Variants in SYNE2 observed in about 807,000 individuals in gnomAD.
SYNE2 encodes nesprin-2.
A neutral mutation model predicts 856.3 loss-of-function variants in SYNE2; 431 were observed. The observed-to-expected ratio is 0.50, with a 90% CI of 0.47 to 0.55. SYNE2 has a LOEUF of 0.55. Ranked by LOEUF, SYNE2 falls within the 20% of genes least tolerant of loss-of-function variation. SYNE2 has a pLI of 0.00. For synonymous variants in SYNE2, 2,923 were observed against 2,872.3 expected (o/e 1.02, Z -0.56); for missense variants, 8,129 against 8,023.2 (o/e 1.01, Z -0.50).
intron 99 of SYNE2, among the ~76,000 whole-genome samples, chr14:64,199,391 C>T (rs1304962109): frequency 6.6e-6 from 1 of 152,148 alleles, no homozygotes; most frequent in Non-Finnish European, 1.5e-5. Context: ...CCTCGGTTTC[C>T]TCATCTGTCA....
In SYNE2 at chr14:63,950,130, C is replaced by T. The variant is rs1228956127; in HGVS notation, c.590+124C>T. On this transcript the variant is annotated intron_variant, in intron 7 of 115. Coordinates refer to ENST00000555002, the MANE Select transcript of SYNE2 (RefSeq NM_182914.3). ...CTCACTATCCCCCTTCCTCTCTGTG[C>T]TTCTTCCATACGTGGAAGCCCAAGA... 57 of 1,118,590 alleles carry T rather than the reference C, an allele frequency of 5.1e-5. No homozygotes were observed. In the East Asian group the frequency reaches 1.3e-3, roughly 25 times the overall value. The allele number at this position is 1,118,590 out of a possible 1,614,324, so 69.3% of individuals were successfully genotyped here. A position where few individuals can be genotyped will look rare whatever the true frequency, so the allele number is the denominator to read the frequency against.
intron 96 of SYNE2, among the ~76,000 whole-genome samples, chr14:64,178,550 C>T (rs755480167): frequency 6.6e-6 from 1 of 151,878 alleles, no homozygotes; most frequent in African/African-American, 2.4e-5. Context: ...CTCCAACTTC[C>T]AAGCTCAAGC....
At chr14:64,087,485 C>T (rs1198303118) in intron 57 of SYNE2, 186 bp from the exon 58 acceptor site, 3 of 762,960 alleles carry the variant, frequency 3.9e-6, no homozygotes, top group African/African-American at 3.4e-5. Flanking sequence ...TACAGTTATA[C>T]AGGTAGATAC....
chr14:64,176,040 ATAGT>A (rs1236597703), intron 95 of SYNE2, among the ~76,000 whole-genome samples: 1 of 152,212 alleles, frequency 6.6e-6, no homozygotes, highest in Non-Finnish European at 1.5e-5. Flanking sequence ...TGAGTTCCAG[ATAGT>A]TAATATTGCT....
At chr14:63,806,115 T>C (rs1714467436) in intron 1 of SYNE2, among the ~76,000 whole-genome samples, 1 of 152,190 alleles carries the variant, frequency 6.6e-6, no homozygotes, top group African/African-American at 2.4e-5. Flanking sequence ...TGGCTGTGGG[T>C]TTGTCATAGA....
chr14:63,944,824 C>CTTTTTTTTT lies in SYNE2; in HGVS notation c.408+2698_408+2706dup, dbSNP rs55906748. ...GTGAGCCACCGTGCTGGGCTTAAAGCTTTTTTTTTTTTTTTTTTTTTTTTT... is the reference window on the plus strand; with the variant it reads ...GTGAGCCACCGTGCTGGGCTTAAAGCTTTTTTTTTTTTTTTTTTTTTTTTTTTTTTTTTT... On this transcript the variant is annotated intron_variant, in intron 6 of 115. Coordinates refer to ENST00000555002, the MANE Select transcript of SYNE2 (RefSeq NM_182914.3). Among the ~76,000 whole-genome samples, 64 of 46,946 alleles carry CTTTTTTTTT rather than the reference C, an allele frequency of 1.4e-3. 3 individuals carry two copies. Among genetic ancestry groups the CTTTTTTTTT allele is most frequent in the East Asian group, 3.5e-3 (5 of 1,448 alleles). The allele number at this position is 46,946 out of a possible 152,430, so 30.8% of individuals were successfully genotyped here.
rs2097692597 is a variant in SYNE2, at chr14:64,098,160, T to G, written c.12306+14T>G. 1 of 1,613,258 alleles carries G rather than the reference T, an allele frequency of 6.2e-7. No individual in the cohort carries two copies. On this transcript the variant is annotated intron_variant, in intron 62 of 115. Coordinates refer to ENST00000555002, the MANE Select transcript of SYNE2 (RefSeq NM_182914.3). ...TCTGAGCGGAAGGTGGGTATGACTT[T>G]AGGTTAATGCTGGCCCCACACTCCA...
At chr14:64,098,882 G>T in intron 63 of SYNE2, 61 bp downstream of exon 63, 1 of 1,526,694 alleles carries the variant, frequency 6.6e-7, no homozygotes, top group South Asian at 1.2e-5. Context: ...AGAAGTCAAT[G>T]AAAAGATCTT....
At chr14:63,774,748 T>G (rs1366137412) in intron 1 of SYNE2, among the ~76,000 whole-genome samples, 1 of 151,844 alleles carries the variant, frequency 6.6e-6, no homozygotes, top group African/African-American at 2.4e-5. Context: ...TAGGTAGAAT[T>G]TAAATTATTG....
intron 85 of SYNE2, among the ~76,000 whole-genome samples, chr14:64,157,943 A>G (rs1187226613): frequency 6.6e-6 from 1 of 152,056 alleles, no homozygotes; most frequent in East Asian, 1.9e-4. Context: ...TTTAATATTG[A>G]TTTGTAAGTT....
At chr14:64,077,065 G>A (rs1467449805) in intron 54 of SYNE2, among the ~76,000 whole-genome samples, 1 of 152,120 alleles carries the variant, frequency 6.6e-6, no homozygotes. Flanking sequence ...CCCTAGCAGA[G>A]TAAATTAATA....
chr14:64,100,498 A>C (rs1177220678), intron 63 of SYNE2: 4 of 127,122 alleles, frequency 3.1e-5, no homozygotes, highest in Non-Finnish European at 6.5e-5. Context: ...CCTGGGTGAC[A>C]AGAGCAAAAC....
At chr14:63,867,243 A>T (rs1218876549) in intron 1 of SYNE2, among the ~76,000 whole-genome samples, 1 of 152,176 alleles carries the variant, frequency 6.6e-6, no homozygotes, top group Non-Finnish European at 1.5e-5. Flanking sequence ...TTACCCCATG[A>T]TTCTGTACAG....
At chr14:64,124,631 A>C (rs1414383332) in intron 70 of SYNE2, among the ~76,000 whole-genome samples, 3 of 152,106 alleles carry the variant, frequency 2.0e-5, no homozygotes, top group African/African-American at 7.2e-5. Context: ...TTTTCTTATA[A>C]ATGGCAAGAT....
In SYNE2 at chr14:64,186,508, G is replaced by A. The variant is rs1441754897; in HGVS notation, c.17641G>A (p.Val5881Met). ...MKADLTRHVL[V>M]EDVMVLKEQI... ...GGCGGACTTAACCCGGCACGTTCTC[G>A]TGGAAGATGTGATGGTTTTGAAGGA... The change falls in exon 97 of 116, where the codon GTG (valine) becomes ATG (methionine). Residue 5881 changes from valine to methionine, a missense_variant. Coordinates refer to ENST00000555002, the MANE Select transcript of SYNE2 (RefSeq NM_182914.3). 5 of 1,614,216 alleles carry A rather than the reference G, an allele frequency of 3.1e-6. No homozygotes were observed. Among genetic ancestry groups the A allele is most frequent in the South Asian group, 2.2e-5 (2 of 91,086 alleles).
intron 70 of SYNE2, 152 bp downstream of exon 70, chr14:64,122,579 A>C: frequency 1.0e-6 from 1 of 964,676 alleles, no homozygotes; most frequent in Non-Finnish European, 1.6e-6. Flanking sequence ...GGAAACCTGC[A>C]TTAGGAACCC....
chr14:64,223,037 G>C (rs890951076), intron 112 of SYNE2, 152 bp from the exon 113 acceptor site: 5 of 728,408 alleles, frequency 6.9e-6, no homozygotes, highest in Admixed American at 6.4e-5. Context: ...TGGGCTGGAG[G>C]ACACAGGCAG....
At chr14:63,846,994 T>TA (rs956842226) in intron 1 of SYNE2, among the ~76,000 whole-genome samples, 9 of 149,808 alleles carry the variant, frequency 6.0e-5, no homozygotes, top group South Asian at 2.1e-4. Context: ...TATTTAAAAT[T>TA]AAAAAAAAAT....
chr14:64,224,155 G>A (rs1349780871), intron 113 of SYNE2, among the ~76,000 whole-genome samples: 5 of 145,892 alleles, frequency 3.4e-5, no homozygotes, highest in Non-Finnish European at 5.9e-5. Context: ...GACCAGCCTG[G>A]GCAACATGGT....
Sources: gnomAD v4.1 joint callset for allele counts (sites outside exome capture counted in the v4.1 genomes callset) on GRCh38, gnomAD v4.1.1 for gene constraint, MANE v1.5 for transcripts, NCBI Gene and HGNC (gene_info 2026-07-23, HGNC 2026-07-21) for gene names.